The following SEMA6D variants were observed in gnomAD, a reference collection of about 807,000 sequenced individuals.
SEMA6D encodes the protein semaphorin 6D.
In SEMA6D, 35 loss-of-function variants were observed where a neutral mutation model predicts 106.6. The observed-to-expected ratio is 0.33, with a 90% CI of 0.25 to 0.44. SEMA6D has a LOEUF of 0.44. Ranked by LOEUF, SEMA6D falls within the 20% of genes least tolerant of loss-of-function variation. The pLI, the probability that SEMA6D is intolerant of heterozygous loss-of-function variation, is 1.00. For synonymous variants in SEMA6D, 499 were observed against 487.7 expected (o/e 1.02, Z -0.31); for missense variants, 1,185 against 1,345.9 (o/e 0.88, Z 1.87).
At chr15:47,270,637 T>G (rs1449228067) in intron 1 of SEMA6D, among the ~76,000 whole-genome samples, 1 of 152,194 alleles carries the variant, frequency 6.6e-6, no homozygotes, top group Non-Finnish European at 1.5e-5. Context: ...TTTTACTATA[T>G]TTGCTTTATC....
intron 4 of SEMA6D, among the ~76,000 whole-genome samples, chr15:47,689,271 A>G (rs1313206058): frequency 6.6e-6 from 1 of 152,204 alleles, no homozygotes; most frequent in African/African-American, 2.4e-5. Context: ...GATAACTGGA[A>G]TATCTCTAGG....
At chr15:47,552,831 T>TTATATATATAAATATATATAA (rs1491028135) in intron 3 of SEMA6D, among the ~76,000 whole-genome samples, 1 of 72,504 alleles carries the variant, frequency 1.4e-5, no homozygotes, top group African/African-American at 9.3e-5. Context: ...TATATATTTT[T>TTATATATATAAATATATATAA]ATATATATAT....
intron 3 of SEMA6D, among the ~76,000 whole-genome samples, chr15:47,568,156 A>G (rs2142843008): frequency 6.7e-6 from 1 of 149,360 alleles, no homozygotes; most frequent in Admixed American, 6.8e-5. Flanking sequence ...AATAAAACTG[A>G]TTATGCTCAT....
intron 1 of SEMA6D, among the ~76,000 whole-genome samples, chr15:47,223,967 G>A (rs2031433279): frequency 3.3e-5 from 5 of 151,848 alleles, no homozygotes. Flanking sequence ...AAATGCCAAA[G>A]CATTTTAATT....
chr15:47,326,871 A>G (rs1261528585), intron 1 of SEMA6D, among the ~76,000 whole-genome samples: 1 of 152,162 alleles, frequency 6.6e-6, no homozygotes, highest in Admixed American at 6.5e-5. Flanking sequence ...TTAGTAGGTC[A>G]CTGGTGACTC....
rs1567030895 is a variant in SEMA6D, at chr15:47,367,680, GCGCGCGCGCGCGCACACACA to G, written c.-238-44711_-238-44692del. Among the ~76,000 whole-genome samples the G allele has an allele frequency of 2.8e-4, 11 of 39,414 alleles. No individual in the cohort carries two copies. The East Asian group carries it at 3.6e-3, about 13-fold the overall frequency. The allele number at this position is 39,414 out of a possible 152,430, so 25.9% of individuals were successfully genotyped here. ...TTCCCCTAAACACGCACGCTCACAC[GCGCGCGCGCGCGCACACACA>G]CACACACACACACACACACACACAC... On this transcript the variant is annotated intron_variant, in intron 1 of 19. Transcript: ENST00000558014.
intron 18 of SEMA6D, 57 bp downstream of exon 18, chr15:47,768,805 C>A: frequency 6.5e-7 from 1 of 1,528,404 alleles, no homozygotes; most frequent in South Asian, 1.3e-5. Flanking sequence ...TCCTTAATGT[C>A]ACTGAGGAGT....
At chr15:47,570,091 C>T (rs544795527) in intron 3 of SEMA6D, among the ~76,000 whole-genome samples, 19 of 152,152 alleles carry the variant, frequency 1.2e-4, no homozygotes, top group African/African-American at 4.6e-4. Context: ...AATTTCTGAC[C>T]TAGAGCTGTA....
chr15:47,205,911 T>C (rs1895026989), intron 1 of SEMA6D, among the ~76,000 whole-genome samples: 1 of 144,880 alleles, frequency 6.9e-6, no homozygotes, highest in Non-Finnish European at 1.5e-5. Context: ...TAAGTGACTT[T>C]TGCATTTGAA....
At chr15:47,656,607 C>T (rs964406565) in intron 4 of SEMA6D, among the ~76,000 whole-genome samples, 1 of 152,102 alleles carries the variant, frequency 6.6e-6, no homozygotes, top group African/African-American at 2.4e-5. Context: ...TTTTGCTGTC[C>T]AGAATTGAGC....
At chr15:47,222,649 C>G (rs1340901189) in intron 1 of SEMA6D, among the ~76,000 whole-genome samples, 3 of 152,166 alleles carry the variant, frequency 2.0e-5, no homozygotes, top group African/African-American at 7.2e-5. Flanking sequence ...AGCTTCTCTG[C>G]ATTTGTCACT....
chr15:47,738,665 GA>G (rs1004599461), intron 1 of SEMA6D, among the ~76,000 whole-genome samples: 5 of 152,198 alleles, frequency 3.3e-5, no homozygotes, highest in African/African-American at 1.2e-4. Flanking sequence ...GAGGAAGCAG[GA>G]TTTCAGGATA....
At chr15:47,458,880 T>C (rs1015594615) in intron 2 of SEMA6D, among the ~76,000 whole-genome samples, 9 of 151,814 alleles carry the variant, frequency 5.9e-5, no homozygotes, top group African/African-American at 1.9e-4. Flanking sequence ...AATAAATAAA[T>C]AAATAAACTA....
rs556508640 is a variant in SEMA6D, at chr15:47,497,887, G to C, written c.-87+27342G>C. ...TTTGGCTTCTAGTCAGTTTCCAGTA[G>C]GTTCTACTTCTGCAGAGTTACCTTC... On this transcript the variant is annotated intron_variant, in intron 3 of 19. Coordinates refer to the SEMA6D transcript ENST00000558014. Among the ~76,000 whole-genome samples, 4 of 152,094 alleles carry C rather than the reference G, an allele frequency of 2.6e-5. No homozygotes were observed. The South Asian group carries it at 8.3e-4, about 32-fold the overall frequency.
intron 4 of SEMA6D, among the ~76,000 whole-genome samples, chr15:47,676,407 C>T (rs940388596): frequency 2.0e-5 from 3 of 152,154 alleles, no homozygotes; most frequent in Admixed American, 6.5e-5. Flanking sequence ...TGCTTCTTGG[C>T]TAACTCAGCT....
intron 1 of SEMA6D, among the ~76,000 whole-genome samples, chr15:47,289,059 C>G (rs1372829642): frequency 6.6e-6 from 1 of 152,032 alleles, no homozygotes; most frequent in African/African-American, 2.4e-5. Flanking sequence ...AAATGAGACT[C>G]AAATGTCAGA....
chr15:47,294,799 A>G (rs1355218808), intron 1 of SEMA6D, among the ~76,000 whole-genome samples: 1 of 152,178 alleles, frequency 6.6e-6, no homozygotes, highest in Non-Finnish European at 1.5e-5. Context: ...GGTGAAATGT[A>G]TACGTTGTTT....
intron 4 of SEMA6D, among the ~76,000 whole-genome samples, chr15:47,706,514 T>A (rs1330722934): frequency 6.6e-6 from 1 of 152,240 alleles, no homozygotes; most frequent in Admixed American, 6.5e-5. Context: ...TTTATTTCTC[T>A]CTGCATTAAT....
chr15:47,323,911 C>T (rs1207610647), intron 1 of SEMA6D, among the ~76,000 whole-genome samples: 2 of 149,016 alleles, frequency 1.3e-5, no homozygotes, highest in Non-Finnish European at 3.0e-5. Flanking sequence ...ATGTCATTGT[C>T]AAAAGGAATA....
Sources: gnomAD v4.1 joint callset for allele counts (sites outside exome capture counted in the v4.1 genomes callset) on GRCh38, gnomAD v4.1.1 for gene constraint, MANE v1.5 for transcripts, NCBI Gene and HGNC (gene_info 2026-07-23, HGNC 2026-07-21) for gene names.